Variants in SMYD3 observed in about 807,000 individuals in gnomAD.
The protein encoded by SMYD3 is histone-lysine N-methyltransferase SMYD3.
A neutral mutation model predicts 57.7 loss-of-function variants in SMYD3; 36 were observed. The ratio of observed to expected loss-of-function variants is 0.62; its 90% CI spans 0.48 to 0.82. The LOEUF (loss-of-function observed/expected upper bound fraction) is 0.82. SMYD3 is among the 40% of genes least tolerant of loss of function. The pLI is 0.00. For synonymous variants in SMYD3, 211 were observed against 195.0 expected (o/e 1.08, Z -0.68); for missense variants, 515 against 538.8 (o/e 0.96, Z 0.44).
intron 8 of SMYD3, among the ~76,000 whole-genome samples, chr1:245,875,214 T>C (rs1490399212): frequency 1.3e-5 from 2 of 152,214 alleles, no homozygotes; most frequent in African/African-American, 2.4e-5. Context: ...ACCTCCATTC[T>C]CTTGTAACCG....
At chr1:246,191,936 T>C (rs774410211) in intron 5 of SMYD3, among the ~76,000 whole-genome samples, 2 of 152,336 alleles carry the variant, frequency 1.3e-5, no homozygotes, top group African/African-American at 2.4e-5. Flanking sequence ...CTGATGCACC[T>C]TGAAGTTTGA....
In SMYD3 at chr1:246,369,532, CT is replaced by C. The variant is rs377403110; in HGVS notation, c.165-14439del. The stretch of plus-strand genomic sequence containing the variant: ...AATTGATTTGGATTCATTTTTCTTT[CT>C]TTTTTATTTTTGAGACAGGGTCTCG... On this transcript the variant is annotated intron_variant, in intron 1 of 11. Coordinates refer to ENST00000490107, the MANE Select transcript of SMYD3 (RefSeq NM_001167740.2). Among the ~76,000 whole-genome samples, 283 of 152,072 alleles carry C rather than the reference CT, an allele frequency of 1.9e-3. 2 individuals are homozygous for C. Among genetic ancestry groups the C allele is most frequent in the African/African-American group, 6.5e-3 (270 of 41,508 alleles).
intron 5 of SMYD3, among the ~76,000 whole-genome samples, chr1:246,305,545 AGGGATAACGT>A (rs1291376867): frequency 6.6e-6 from 1 of 152,216 alleles, no homozygotes; most frequent in African/African-American, 2.4e-5. Flanking sequence ...AATATTAAAG[AGGGATAACGT>A]GACACCATGT....
chr1:245,924,827 T>C (rs2056258158), intron 7 of SMYD3, among the ~76,000 whole-genome samples: 1 of 152,018 alleles, frequency 6.6e-6, no homozygotes, highest in African/African-American at 2.4e-5. Flanking sequence ...CACACCTGGC[T>C]AATTTTTTGT....
At chr1:246,171,218 GA>G (rs2062326142) in intron 5 of SMYD3, among the ~76,000 whole-genome samples, 1 of 151,858 alleles carries the variant, frequency 6.6e-6, no homozygotes, top group African/African-American at 2.4e-5. Flanking sequence ...AAAGATAACT[GA>G]AAAAAAGGTA....
chr1:245,798,314 C>A (rs1286719362), intron 10 of SMYD3, among the ~76,000 whole-genome samples: 2 of 68,918 alleles, frequency 2.9e-5, no homozygotes, highest in Non-Finnish European at 6.6e-5. Context: ...GGAGCCAGAG[C>A]GGCCCCGGCC....
intron 1 of SMYD3, among the ~76,000 whole-genome samples, chr1:246,448,263 G>A (rs1572510491): frequency 1.3e-5 from 2 of 152,168 alleles, no homozygotes; most frequent in African/African-American, 2.4e-5. Context: ...AATACATGAT[G>A]CTGAAGCCAC....
intron 5 of SMYD3, among the ~76,000 whole-genome samples, chr1:245,952,311 C>T (rs1300522121): frequency 6.6e-6 from 1 of 151,302 alleles, no homozygotes; most frequent in Non-Finnish European, 1.5e-5. Context: ...CACCAGGAAA[C>T]AAGGCATGAA....
intron 5 of SMYD3, among the ~76,000 whole-genome samples, chr1:246,022,328 T>A (rs2059486335): frequency 6.6e-6 from 1 of 152,122 alleles, no homozygotes; most frequent in Non-Finnish European, 1.5e-5. Context: ...AAATGTTTGT[T>A]ATGGTGGAAA....
chr1:246,144,760 C>T (rs1161537175), intron 5 of SMYD3, among the ~76,000 whole-genome samples: 2 of 152,122 alleles, frequency 1.3e-5, no homozygotes, highest in African/African-American at 4.8e-5. Context: ...ATAAACAAGA[C>T]CTTTGGAAAA....
intron 1 of SMYD3, among the ~76,000 whole-genome samples, chr1:246,456,667 CTT>C (rs2067704137): frequency 2.6e-5 from 4 of 152,218 alleles, no homozygotes; most frequent in South Asian, 4.1e-4. Flanking sequence ...AAGACTGTTT[CTT>C]TGTCCTGCTT....
At chr1:245,972,847 A>T (rs576725173) in intron 5 of SMYD3, among the ~76,000 whole-genome samples, 1 of 152,240 alleles carries the variant, frequency 6.6e-6, no homozygotes, top group Non-Finnish European at 1.5e-5. Context: ...TGGTACATAC[A>T]TTACACAATC....
At chr1:246,487,218 G>T (rs1036834397) in intron 1 of SMYD3, among the ~76,000 whole-genome samples, 1 of 147,208 alleles carries the variant, frequency 6.8e-6, no homozygotes, top group Admixed American at 6.8e-5. Flanking sequence ...GAGGCCAAGC[G>T]AGTGGATCAC....
At chr1:245,884,908 G>A (rs1026445248) in intron 8 of SMYD3, among the ~76,000 whole-genome samples, 96 of 151,888 alleles carry the variant, frequency 6.3e-4, no homozygotes, top group African/African-American at 2.1e-3. Flanking sequence ...AGCCAACAGC[G>A]GCAACCCACT....
At chr1:246,475,479 C>A (rs768226265) in intron 1 of SMYD3, among the ~76,000 whole-genome samples, 1 of 151,876 alleles carries the variant, frequency 6.6e-6, no homozygotes, top group Admixed American at 6.6e-5. Context: ...ACCACCTCTA[C>A]TAAAAATACA....
intron 10 of SMYD3, among the ~76,000 whole-genome samples, chr1:245,787,704 T>G (rs2047102525): frequency 6.6e-6 from 1 of 152,156 alleles, no homozygotes; most frequent in Non-Finnish European, 1.5e-5. Flanking sequence ...GAGTTTAGAT[T>G]TTGAGGGAGA....
At chr1:246,492,034 G>A (rs1027789771) in intron 1 of SMYD3, among the ~76,000 whole-genome samples, 3 of 152,054 alleles carry the variant, frequency 2.0e-5, no homozygotes, top group African/African-American at 7.2e-5. Context: ...CAATATAAGT[G>A]ACATTTCCAA....
At chr1:246,120,186 G>C (rs2061403951) in intron 5 of SMYD3, among the ~76,000 whole-genome samples, 1 of 152,186 alleles carries the variant, frequency 6.6e-6, no homozygotes, top group Non-Finnish European at 1.5e-5. Flanking sequence ...TCCAGGTATA[G>C]AGAGTATGCC....
chr1:245,810,404 T>G (rs1017591620), intron 10 of SMYD3, among the ~76,000 whole-genome samples: 1 of 152,218 alleles, frequency 6.6e-6, no homozygotes, highest in African/African-American at 2.4e-5. Context: ...AATCCCCCGC[T>G]AATCCTCCTT....
Sources: allele counts gnomAD v4.1 joint callset (sites outside exome capture counted in the v4.1 genomes callset), GRCh38; gene constraint gnomAD v4.1.1; transcripts MANE v1.5; gene names NCBI Gene and HGNC (gene_info 2026-07-23, HGNC 2026-07-21).